Variants in CDH2 observed in about 807,000 individuals in gnomAD.
The protein encoded by CDH2 is cadherin 2, also known as cadherin-2.
A neutral mutation model predicts 92.0 loss-of-function variants in CDH2; 17 were observed. The ratio of observed to expected loss-of-function variants is 0.18; its 90% CI spans 0.13 to 0.28. The LOEUF (loss-of-function observed/expected upper bound fraction) is 0.28. CDH2 is among the 10% of genes least tolerant of loss of function. The pLI is 1.00. For synonymous variants in CDH2, 419 were observed against 415.9 expected (o/e 1.01, Z -0.09); for missense variants, 862 against 1,133.1 (o/e 0.76, Z 3.44).
At chr18:28,026,708 C>G (rs767825906) in intron 2 of CDH2, among the ~76,000 whole-genome samples, 1 of 152,166 alleles carries the variant, frequency 6.6e-6, no homozygotes, top group Non-Finnish European at 1.5e-5. Flanking sequence ...ACATTAAAAA[C>G]TAAAAAACAG....
intron 3 of CDH2, among the ~76,000 whole-genome samples, chr18:28,012,882 G>T (rs896301794): frequency 6.6e-6 from 1 of 152,076 alleles, no homozygotes; most frequent in Non-Finnish European, 1.5e-5. Context: ...TACCAGAAAT[G>T]AATGTGTCTG....
intron 2 of CDH2, among the ~76,000 whole-genome samples, chr18:28,106,157 C>T (rs932955461): frequency 6.6e-6 from 1 of 152,198 alleles, no homozygotes; most frequent in African/African-American, 2.4e-5. Context: ...TGGCTTACAC[C>T]TATAATCCCA....
intron 4 of CDH2, among the ~76,000 whole-genome samples, chr18:28,011,255 A>C (rs953840291): frequency 2.6e-5 from 4 of 151,356 alleles, no homozygotes; most frequent in Non-Finnish European, 5.9e-5. Flanking sequence ...AAATATCTGC[A>C]TTTTTTTTCT....
At chr18:28,001,565 T>C (rs1199271923) in intron 7 of CDH2, among the ~76,000 whole-genome samples, 2 of 152,276 alleles carry the variant, frequency 1.3e-5, no homozygotes, top group Middle Eastern at 3.4e-3. Flanking sequence ...GTATTTCATA[T>C]AGCAATGAAG....
chr18:27,957,430 T>G (rs1567936013), intron 15 of CDH2, among the ~76,000 whole-genome samples: 1 of 141,244 alleles, frequency 7.1e-6, no homozygotes, highest in African/African-American at 2.6e-5. Flanking sequence ...TTGTTTTTTT[T>G]TGTATAGAGG....
chr18:28,167,540 T>C (rs2016404267), intron 1 of CDH2, among the ~76,000 whole-genome samples: 1 of 152,018 alleles, frequency 6.6e-6, no homozygotes, highest in African/African-American at 2.4e-5. Context: ...CAAAAGAGAA[T>C]ATGGTTTCAC....
chr18:27,988,465 C>T (rs1567951452), intron 11 of CDH2, 59 bp downstream of exon 11: 1 of 1,444,352 alleles, frequency 6.9e-7, no homozygotes, highest in East Asian at 2.3e-5. Flanking sequence ...AATTCCTGAG[C>T]ATGCATGATG....
intron 2 of CDH2, among the ~76,000 whole-genome samples, chr18:28,086,886 A>C (rs2014941063): frequency 6.6e-6 from 1 of 152,166 alleles, no homozygotes; most frequent in Non-Finnish European, 1.5e-5. Flanking sequence ...AAATAACCAG[A>C]GAGATTGGGC....
chr18:28,159,010 T>C (rs149387055), intron 1 of CDH2: 30 of 152,354 alleles, frequency 2.0e-4, no homozygotes, highest in African/African-American at 6.0e-4. Context: ...AAATTCTCTA[T>C]GGTAAACAGC....
intron 15 of CDH2, among the ~76,000 whole-genome samples, chr18:27,959,047 G>T (rs560672933): frequency 7.9e-5 from 12 of 151,926 alleles, no homozygotes; most frequent in Non-Finnish European, 1.8e-4. Flanking sequence ...AAAAATACAC[G>T]TATATATATA....
intron 1 of CDH2, among the ~76,000 whole-genome samples, chr18:28,150,962 A>C (rs2144333241): frequency 6.6e-6 from 1 of 152,366 alleles, no homozygotes. Flanking sequence ...TTCAAAAAAC[A>C]AACAGGAAGC....
At chr18:28,006,717 CAAAAAAAA>C (rs35592550) in intron 5 of CDH2, among the ~76,000 whole-genome samples, 2 of 77,616 alleles carry the variant, frequency 2.6e-5, no homozygotes, top group Non-Finnish European at 5.3e-5. Flanking sequence ...GACTCTGTCT[CAAAAAAAA>C]AAAAAAAAAA....
At chr18:27,991,753 T>A (rs2012423827) in intron 9 of CDH2, among the ~76,000 whole-genome samples, 1 of 152,222 alleles carries the variant, frequency 6.6e-6, no homozygotes, top group African/African-American at 2.4e-5. Context: ...TTCTGAGAGT[T>A]TCCATTCCCA....
At chr18:28,147,581 T>C in intron 2 of CDH2, 92 bp downstream of exon 2, 2 of 714,958 alleles carry the variant, frequency 2.8e-6, no homozygotes, top group Non-Finnish European at 4.7e-6. Context: ...TCATACTTGT[T>C]ATACAGTAGA....
intron 2 of CDH2, among the ~76,000 whole-genome samples, chr18:28,062,306 T>C (rs2014419123): frequency 6.6e-6 from 1 of 152,204 alleles, no homozygotes; most frequent in South Asian, 2.1e-4. Context: ...AAATATTTAT[T>C]AATTTGTCCA....
At chr18:28,081,819 G>C (rs1567991100) in intron 2 of CDH2, among the ~76,000 whole-genome samples, 1 of 152,190 alleles carries the variant, frequency 6.6e-6, no homozygotes, top group Non-Finnish European at 1.5e-5. Flanking sequence ...ATATAAGTTA[G>C]CATTAAGGTA....
intron 1 of CDH2, among the ~76,000 whole-genome samples, chr18:28,164,382 C>T (rs1449794992): frequency 6.6e-5 from 10 of 152,066 alleles, no homozygotes; most frequent in African/African-American, 2.4e-5. Flanking sequence ...CTTTGAACCA[C>T]GTGTGGTACA....
At chr18:27,996,957 C>A (rs879526194) in intron 7 of CDH2, among the ~76,000 whole-genome samples, 7 of 152,224 alleles carry the variant, frequency 4.6e-5, no homozygotes, top group Non-Finnish European at 1.0e-4. Context: ...AGTCCCAATT[C>A]TAACATTTCC....
At chr18:28,041,087 G>A (rs1399770640) in intron 2 of CDH2, among the ~76,000 whole-genome samples, 5 of 152,134 alleles carry the variant, frequency 3.3e-5, no homozygotes, top group Non-Finnish European at 7.4e-5. Flanking sequence ...AGTTACTGGG[G>A]AGGGGTCCAC....
Sources: gnomAD v4.1 joint callset for allele counts (sites outside exome capture counted in the v4.1 genomes callset) on GRCh38, gnomAD v4.1.1 for gene constraint, MANE v1.5 for transcripts, NCBI Gene and HGNC (gene_info 2026-07-23, HGNC 2026-07-21) for gene names.